EXD2: variants seen among roughly 807,000 people sequenced by gnomAD.
EXD2 encodes exonuclease 3'-5' domain containing 2, also known as exonuclease 3'-5' domain-containing protein 2.
Under a neutral mutation model 62.5 loss-of-function variants are expected in EXD2, and 40 were observed. The observed-to-expected ratio is 0.64, with a 90% CI of 0.50 to 0.83. The LOEUF (loss-of-function observed/expected upper bound fraction) is 0.83, where lower values mean the gene tolerates loss of function less well. EXD2 is among the 40% of genes least tolerant of loss of function. The probability of loss-of-function intolerance (pLI) is 0.00; values close to 1 mark genes in which losing one functional copy is unlikely to be tolerated. For missense variants in EXD2, 671 were observed against 761.8 expected, an observed-to-expected ratio of 0.88 and a Z score of 1.40; for synonymous variants, 239 against 291.9, an observed-to-expected ratio of 0.82 and a Z score of 1.85.
intron 1 of EXD2, among the ~76,000 whole-genome samples, chr14:69,202,240 CAT>C (rs1168424917): frequency 6.6e-6 from 1 of 151,986 alleles, no homozygotes. Flanking sequence ...GGGGTGCTGT[CAT>C]GTGCCTGTGG....
Position 69,230,535 on chromosome 14 carries a change from C to G in EXD2, c.654C>G (p.Pro218=). The change falls in exon 5 of 10, where the codon CCC becomes CCG. Residue 218 remains proline, a synonymous_variant. Transcript: ENST00000685843. The stretch of plus-strand genomic sequence containing the variant: ...TCGCTGAGACTGTTTTGAACTTTCC[C>G]CTTGACAAGTCCCTTCTACTTCGTT... ...KSLAETVLNF[P]LDKSLLLRCS... The G allele has an allele frequency of 6.2e-7, 1 of 1,613,948 alleles. No homozygotes were observed. The highest frequency in any genetic ancestry group is 8.5e-7 in the Non-Finnish European group (1 of 1,179,880).
chr14:69,209,557 G>GCGC lies in EXD2; in HGVS notation c.93_95dup (p.Arg33dup). ...GGTTTGTCCTCTGGAAAGGCATCCA[G>GCGC]CGCCGCCGAAGGAGTAAAACGAGTC... On this transcript the variant is annotated inframe_insertion, in exon 3 of 10. Transcript: ENST00000685843. The GCGC allele has an allele frequency of 6.4e-7, 1 of 1,550,586 alleles. No individual in the cohort carries two copies. Among genetic ancestry groups the GCGC allele is most frequent in the South Asian group, 1.2e-5 (1 of 84,064 alleles).
intron 3 of EXD2, among the ~76,000 whole-genome samples, chr14:69,226,670 C>T (rs1299418833): frequency 6.6e-6 from 1 of 152,104 alleles, no homozygotes; most frequent in Non-Finnish European, 1.5e-5. Flanking sequence ...ATCGCTTGAA[C>T]CCGGGAGGGA....
intron 2 of EXD2, chr14:69,209,007 T>C (rs895334176): frequency 2.6e-5 from 4 of 152,408 alleles, no homozygotes; most frequent in African/African-American, 9.6e-5. Context: ...TGTTAGGTGA[T>C]CAAAGGTTTA....
rs1378139540 is a variant in EXD2, at chr14:69,209,486, T to C, written c.16T>C (p.Leu6=). The C allele has an allele frequency of 6.5e-7, 1 of 1,539,522 alleles. No individual in the cohort carries two copies. Among genetic ancestry groups the C allele is most frequent in the Admixed American group, 2.0e-5 (1 of 48,898 alleles). Residue 6 remains leucine (L), a synonymous_variant, in exon 3 of 10, where the codon TTA becomes CTA. Coordinates refer to ENST00000685843, the MANE Select transcript of EXD2 (RefSeq NM_001193360.2). ...AAAGTCGAAGATGTCTAGACAGAAC[T>C]TAGTGGCTTTGACAGTGACTACCCT... is the stretch of plus-strand genomic sequence containing the variant. The part of the protein sequence containing the change: MSRQN[L]VALTVTTLLG...
rs867899112 is a variant in EXD2 at position 69,201,684 on chromosome 14, T to G, written c.-131-2233T>G. ...AAGTGTTTTCTCTGTTTTTTTTTTT[T>G]TTTTTTTTTTTTTTTTGAGACAGAG... On this transcript the variant is annotated intron_variant, in intron 1 of 9. Coordinates refer to ENST00000685843, the MANE Select transcript of EXD2 (RefSeq NM_001193360.2). Among the ~76,000 whole-genome samples, 600 of 135,126 alleles carry G rather than the reference T, an allele frequency of 4.4e-3. 2 individuals carry two copies. The highest frequency in any genetic ancestry group is 0.012 in the African/African-American group (414 of 34,984). 88.6% of individuals were successfully genotyped at this position (135,126 alleles called of 152,430 possible).
At chr14:69,218,725 A>G (rs999248587) in intron 3 of EXD2, among the ~76,000 whole-genome samples, 1 of 152,188 alleles carries the variant, frequency 6.6e-6, no homozygotes. Context: ...CTTTCTAGAT[A>G]TGCTAGCCAG....
intron 9 of EXD2, chr14:69,239,344 T>G (rs184564037): frequency 1.1e-4 from 16 of 152,322 alleles, no homozygotes; most frequent in Admixed American, 1.0e-3. Flanking sequence ...AACTGATAAG[T>G]TCACAAAACC....
intron 3 of EXD2, among the ~76,000 whole-genome samples, chr14:69,223,044 C>A (rs2043237860): frequency 6.6e-6 from 1 of 152,110 alleles, no homozygotes; most frequent in Non-Finnish European, 1.5e-5. Context: ...AATGTGAACT[C>A]TACTAATTTA....
In EXD2 at chr14:69,234,712, G is replaced by T. The variant is rs535766399; in HGVS notation, c.730G>T (p.Ala244Ser). Residue 244 changes from alanine to serine, a missense_variant, in exon 6 of 10, where the codon GCC (alanine) becomes TCC (serine). Transcript: ENST00000685843. ...CTTTTCTCTTCAGGTAATTTATGCT[G>T]CCAGGGATGCCCAGATTTCAGTGGC... ...TLTEDQVIYA[A>S]RDAQISVALF... The T allele has an allele frequency of 8.4e-5, 135 of 1,611,142 alleles. 5 individuals carry two copies. The South Asian group carries it at 1.4e-3, about 17-fold the overall frequency.
intron 9 of EXD2, 78 bp from the exon 10 acceptor site, chr14:69,240,806 C>A: frequency 7.9e-7 from 1 of 1,271,972 alleles, no homozygotes; most frequent in Non-Finnish European, 1.1e-6. Flanking sequence ...TTACCCTTGG[C>A]GCGCAGCATT....
chr14:69,233,623 T>C (rs2043665695), intron 5 of EXD2, among the ~76,000 whole-genome samples: 1 of 151,748 alleles, frequency 6.6e-6, no homozygotes, highest in South Asian at 2.1e-4. Flanking sequence ...TTATTTTTAG[T>C]AGAGATGGGG....
At chr14:69,204,497 C>G (rs892889296) in intron 2 of EXD2, among the ~76,000 whole-genome samples, 6 of 152,092 alleles carry the variant, frequency 3.9e-5, no homozygotes, top group African/African-American at 1.4e-4. Flanking sequence ...GAGGTCGAGG[C>G]TGCAGTGAGC....
intron 3 of EXD2, among the ~76,000 whole-genome samples, chr14:69,226,347 C>T (rs1018045389): frequency 2.6e-5 from 4 of 152,170 alleles, no homozygotes; most frequent in African/African-American, 4.8e-5. Context: ...GGCATGCTTT[C>T]GTGTGAGGAT....
rs71102634 is a variant in EXD2, at chr14:69,201,672, GTTTTTTTTTTTTT to G, written c.-131-2229_-131-2217del. On this transcript the variant is annotated intron_variant, in intron 1 of 9. Transcript: ENST00000685843. The stretch of plus-strand genomic sequence containing the variant: ...GTCTCTCTCAGCAAGTGTTTTCTCT[GTTTTTTTTTTTTT>G]TTTTTTTTTTTTTTTGAGACAGAGT... Among the ~76,000 whole-genome samples the G allele has an allele frequency of 1.6e-3, 93 of 59,026 alleles. 1 individual carries two copies. The East Asian group carries it at 0.041, about 26-fold the overall frequency. The allele number at this position is 59,026 out of a possible 152,430, so 38.7% of individuals were successfully genotyped here. A position where few individuals can be genotyped will look rare whatever the true frequency, so the allele number is the denominator to read the frequency against.
At position 69,236,626 on chromosome 14, in the gene EXD2, T is replaced by C. The variant is rs1013345612; in HGVS notation, c.1292+84T>C. On this transcript the variant is annotated intron_variant, in intron 8 of 9. Coordinates refer to ENST00000685843, the MANE Select transcript of EXD2 (RefSeq NM_001193360.2). ...CCATATGCAGAGCCTTTGGGGGCTG[T>C]GGCTGAGTCTGTCCACTTTGGCTGA... 1.2e-5 allele frequency: 18 copies of C among 1,564,088 alleles called. No individual in the cohort carries two copies. The East Asian group carries it at 2.7e-4, about 23-fold the overall frequency.
At chr14:69,199,129 G>A (rs752004089) in intron 1 of EXD2, among the ~76,000 whole-genome samples, 20 of 152,238 alleles carry the variant, frequency 1.3e-4, no homozygotes, top group African/African-American at 2.6e-4. Flanking sequence ...CTGTAGCCCC[G>A]GCTACTCAGG....
chr14:69,217,747 T>C (rs2043032395), intron 3 of EXD2, among the ~76,000 whole-genome samples: 1 of 152,116 alleles, frequency 6.6e-6, no homozygotes, highest in Admixed American at 6.5e-5. Flanking sequence ...TGACCAAGTG[T>C]TCTCATTGTT....
intron 4 of EXD2, among the ~76,000 whole-genome samples, chr14:69,230,169 C>A (rs528790002): frequency 3.9e-5 from 6 of 152,272 alleles, no homozygotes; most frequent in African/African-American, 1.4e-4. Context: ...CTCAGTGCTG[C>A]CACTTGCCAG....
Sources: gnomAD v4.1 joint callset for allele counts (sites outside exome capture counted in the v4.1 genomes callset) on GRCh38, gnomAD v4.1.1 for gene constraint, MANE v1.5 for transcripts, NCBI Gene and HGNC (gene_info 2026-07-23, HGNC 2026-07-21) for gene names.